Variants in CTBP1 observed in about 807,000 individuals in gnomAD.
CTBP1 encodes C-terminal binding protein 1.
A neutral mutation model predicts 42.1 loss-of-function variants in CTBP1; 11 were observed. The observed-to-expected ratio is 0.26, with a 90% CI of 0.16 to 0.43. CTBP1 has a LOEUF of 0.43. CTBP1 is among the 20% of genes least tolerant of loss of function. The pLI, the probability that CTBP1 is intolerant of heterozygous loss-of-function variation, is 1.00. For synonymous variants in CTBP1, 324 were observed against 277.1 expected (o/e 1.17, Z -1.68); for missense variants, 399 against 624.3 (o/e 0.64, Z 3.85).
chr4:1,246,985 C>A (rs1478109300), intron 1 of CTBP1, among the ~76,000 whole-genome samples: 1 of 152,198 alleles, frequency 6.6e-6, no homozygotes, highest in Non-Finnish European at 1.5e-5. Context: ...GGCAGGGGGC[C>A]GGCTCTGCGC....
intron 1 of CTBP1, chr4:1,243,405 C>T: frequency 1.0e-6 from 1 of 985,386 alleles, no homozygotes; most frequent in Non-Finnish European, 1.2e-6. Context: ...ACCTGAGGGG[C>T]TGCACCCCAT....
chr4:1,213,692 G>T, intron 7 of CTBP1, 87 bp from the exon 8 acceptor site: 1 of 1,504,556 alleles, frequency 6.6e-7, no homozygotes, highest in South Asian at 1.2e-5. Context: ...AACCCCCTGT[G>T]GGGGGCCCTG....
At chr4:1,223,457 G>A (rs767107272) in intron 5 of CTBP1, 2 of 456,094 alleles carry the variant, frequency 4.4e-6, no homozygotes, top group South Asian at 1.5e-5. Context: ...CACCCGAAAC[G>A]TCCGATTCCC....
rs907249084 is a variant in CTBP1 at position 1,212,396 on chromosome 4, G to C, written c.1134C>G (p.Ala378=). The change falls in exon 10 of 10, where the codon GCC becomes GCG. Residue 378 remains alanine (A), a synonymous_variant. Coordinates refer to ENST00000382952, the MANE Select transcript of CTBP1 (RefSeq NM_001012614.2). ...YRYPPGVVGV[A]PTGIPAAVEG... is the part of the protein sequence containing the mutation. Reference sequence around the variant, plus strand: ...CCACAGCAGCTGGGATGCCAGTGGGGGCCACGCCCACCACGCCCGGAGGGT... The same window carrying C: ...CCACAGCAGCTGGGATGCCAGTGGGCGCCACGCCCACCACGCCCGGAGGGT... 63 of 1,486,080 alleles carry C rather than the reference G, an allele frequency of 4.2e-5. No homozygotes were observed. The highest frequency in any genetic ancestry group is 5.4e-5 in the Non-Finnish European group (61 of 1,122,036). The allele number at this position is 1,486,080 out of a possible 1,614,324, so 92.1% of individuals were successfully genotyped here.
chr4:1,228,439 T>A, intron 3 of CTBP1, 96 bp from the exon 4 acceptor site: 1 of 1,456,056 alleles, frequency 6.9e-7, no homozygotes, highest in Non-Finnish European at 9.4e-7. Context: ...AATTAGCCTG[T>A]GGCCCTCAGG....
intron 6 of CTBP1, 49 bp from the exon 7 acceptor site, chr4:1,214,522 C>G (rs201848036): frequency 4.0e-6 from 6 of 1,515,122 alleles, no homozygotes; most frequent in African/African-American, 1.5e-5. Context: ...CCGCACAGGG[C>G]GGGCAGCCAG....
chr4:1,225,572 G>A lies in CTBP1; in HGVS notation c.308-6C>T. ...CACGTTGCAGACGGCAATGCCTGTG[G>A]GGACAAGGACACGGCGGTCACCCCC... On this transcript the variant is annotated splice_polypyrimidine_tract_variant and splice_region_variant and intron_variant, in intron 4 of 9. Coordinates refer to ENST00000382952, the MANE Select transcript of CTBP1 (RefSeq NM_001012614.2). The A allele has an allele frequency of 1.1e-5, 17 of 1,539,178 alleles. No individual in the cohort carries two copies. Among genetic ancestry groups the A allele is most frequent in the Non-Finnish European group, 1.3e-5 (15 of 1,146,276 alleles).
At chr4:1,232,210 A>G (rs1047547299) in intron 3 of CTBP1, among the ~76,000 whole-genome samples, 1 of 152,202 alleles carries the variant, frequency 6.6e-6, no homozygotes, top group East Asian at 1.9e-4. Flanking sequence ...ACCAGCTCTG[A>G]GTGTTATCAG....
intron 2 of CTBP1, among the ~76,000 whole-genome samples, chr4:1,240,206 T>G (rs1732021332): frequency 7.7e-6 from 1 of 129,978 alleles, no homozygotes; most frequent in South Asian, 2.6e-4. Context: ...GCTGGGTGAG[T>G]GGGAACCGGG....
intron 1 of CTBP1, chr4:1,244,762 C>T (rs1167374549): frequency 2.0e-6 from 2 of 985,294 alleles, no homozygotes; most frequent in African/African-American, 3.5e-5. Context: ...CGTGACAAAG[C>T]TGCCCTGCCG....
intron 1 of CTBP1, among the ~76,000 whole-genome samples, chr4:1,245,996 G>C (rs1165591402): frequency 6.6e-6 from 1 of 152,198 alleles, no homozygotes; most frequent in African/African-American, 2.4e-5. Flanking sequence ...CGTTTGGCTC[G>C]GCAAAGAGCC....
Position 1,235,190 on chromosome 4 carries a change from C to T in CTBP1, c.162+2993G>A, listed in dbSNP as rs1731360854. 6.6e-6 allele frequency: 1 copy of T among 152,194 alleles called. No homozygotes were observed. Among genetic ancestry groups the T allele is most frequent in the Non-Finnish European group, 1.5e-5 (1 of 68,030 alleles). 9.4% of individuals were successfully genotyped at this position (152,194 alleles called of 1,614,324 possible). ...CTGGTTTGGGCTATGGTGAGTTAAGCTGCTAGGGAGCATGACGTGCAGGTC... is the reference window on the plus strand; with the variant it reads ...CTGGTTTGGGCTATGGTGAGTTAAGTTGCTAGGGAGCATGACGTGCAGGTC... On this transcript the variant is annotated intron_variant, in intron 3 of 9. Coordinates refer to ENST00000382952, the MANE Select transcript of CTBP1 (RefSeq NM_001012614.2). The surrounding 1 kb of genome is among the most constrained non-coding windows in gnomAD (Gnocchi z 4.2).
chr4:1,246,861 T>C (rs1373295044), intron 1 of CTBP1, among the ~76,000 whole-genome samples: 1 of 152,176 alleles, frequency 6.6e-6, no homozygotes, highest in Non-Finnish European at 1.5e-5. Context: ...ATTAACAGAA[T>C]GATGGTTAAC....
chr4:1,224,575 G>A (rs534271277), intron 5 of CTBP1, among the ~76,000 whole-genome samples: 8 of 150,984 alleles, frequency 5.3e-5, no homozygotes, highest in African/African-American at 1.7e-4. Context: ...TGTGACATCC[G>A]TGTGTGATGT....
intron 9 of CTBP1, 158 bp downstream of exon 9, chr4:1,212,755 C>A: frequency 1.5e-6 from 1 of 676,928 alleles, no homozygotes. Flanking sequence ...GGCCCTGGTT[C>A]TCATGGGCCT....
chr4:1,216,650 C>T (rs1470054808), intron 5 of CTBP1: 2 of 231,090 alleles, frequency 8.7e-6, no homozygotes, highest in Non-Finnish European at 8.7e-6. Context: ...GTGGAGACGG[C>T]AAAGGGGGCA....
In CTBP1 at chr4:1,245,723, G is replaced by A. The variant is rs536051442; in HGVS notation, c.-189+3193C>T. ...CGGGCGGGCAGGATGGCACAAGCAGGTCAGGGTGGCACGTGTGGGTAGGGT... is the reference window on the plus strand; with the variant it reads ...CGGGCGGGCAGGATGGCACAAGCAGATCAGGGTGGCACGTGTGGGTAGGGT... On this transcript the variant is annotated intron_variant, in intron 1 of 9. Coordinates refer to ENST00000382952, the MANE Select transcript of CTBP1 (RefSeq NM_001012614.2). The A allele has an allele frequency of 3.5e-3, 3,396 of 975,018 alleles. 5 individuals carry two copies. The highest frequency in any genetic ancestry group is 4.0e-3 in the Non-Finnish European group (3,281 of 820,580). The allele number at this position is 975,018 out of a possible 1,614,324, so 60.4% of individuals were successfully genotyped here. A position where few individuals can be genotyped will look rare whatever the true frequency, so the allele number is the denominator to read the frequency against.
intron 1 of CTBP1, chr4:1,244,940 G>C (rs1732562632): frequency 2.0e-6 from 2 of 985,452 alleles, no homozygotes; most frequent in South Asian, 9.4e-5. Context: ...ACAGCCACCT[G>C]CCGCCCAGAG....
chr4:1,218,517 A>G (rs1729391818), intron 5 of CTBP1: 1 of 152,230 alleles, frequency 6.6e-6, no homozygotes. Context: ...ACGCCCGAGG[A>G]CAGCCAGAAT....
Sources: allele counts gnomAD v4.1 joint callset (sites outside exome capture counted in the v4.1 genomes callset), GRCh38; gene constraint gnomAD v4.1.1; non-coding constraint Gnocchi (gnomAD v3.1); transcripts MANE v1.5; gene names NCBI Gene and HGNC (gene_info 2026-07-23, HGNC 2026-07-21).